AGBL4: variants seen among roughly 807,000 people sequenced by gnomAD.
AGBL4 encodes the protein cytosolic carboxypeptidase 6.
AGBL4 carries 58 observed loss-of-function variants against 66.4 expected under a neutral mutation model. The ratio of observed to expected loss-of-function variants is 0.87; its 90% confidence interval spans 0.71 to 1.09. AGBL4 has a LOEUF of 1.09. Among genes scored for constraint, AGBL4 ranks in the 50% least tolerant of loss-of-function variants. The pLI, the probability that AGBL4 is intolerant of heterozygous loss-of-function variation, is 0.00. For synonymous variants in AGBL4, 234 were observed against 222.9 expected, an observed-to-expected ratio of 1.05 and a Z score of -0.44; for missense variants, 579 against 631.0, an observed-to-expected ratio of 0.92 and a Z score of 0.88.
At chr1:49,125,061 G>A (rs1238653989) in intron 4 of AGBL4, among the ~76,000 whole-genome samples, 1 of 152,036 alleles carries the variant, frequency 6.6e-6, no homozygotes, top group Non-Finnish European at 1.5e-5. Context: ...GAATGTGTAA[G>A]ATACTTTTAA....
At chr1:48,671,341 C>A (rs1278728770) in intron 6 of AGBL4, among the ~76,000 whole-genome samples, 2 of 152,256 alleles carry the variant, frequency 1.3e-5, no homozygotes, top group Admixed American at 6.5e-5. Flanking sequence ...TTGGGCTGGT[C>A]TCTGAGAAGT....
chr1:49,171,849 G>A (rs912763716), intron 4 of AGBL4, among the ~76,000 whole-genome samples: 17 of 152,146 alleles, frequency 1.1e-4, no homozygotes, highest in Non-Finnish European at 2.1e-4. Flanking sequence ...AGAGAAATTT[G>A]TTGATATACC....
intron 1 of AGBL4, among the ~76,000 whole-genome samples, chr1:49,912,927 T>C (rs1651000303): frequency 6.6e-6 from 1 of 152,212 alleles, no homozygotes; most frequent in African/African-American, 2.4e-5. Flanking sequence ...AAATGATTCA[T>C]GAGGACAGAA....
At chr1:48,551,581 A>G (rs938570077) in intron 11 of AGBL4, among the ~76,000 whole-genome samples, 3 of 152,142 alleles carry the variant, frequency 2.0e-5, no homozygotes, top group African/African-American at 7.2e-5. Flanking sequence ...AAAACAAATC[A>G]AGATGAGAGA....
At chr1:49,379,201 G>A (rs1644538123) in intron 3 of AGBL4, among the ~76,000 whole-genome samples, 1 of 152,094 alleles carries the variant, frequency 6.6e-6, no homozygotes, top group Non-Finnish European at 1.5e-5. Flanking sequence ...CCACTGCCTT[G>A]ATGATGTCAT....
chr1:49,598,246 C>T (rs573578224), intron 3 of AGBL4, among the ~76,000 whole-genome samples: 4 of 152,304 alleles, frequency 2.6e-5, no homozygotes, highest in African/African-American at 4.8e-5. Flanking sequence ...AGCTTCGTTC[C>T]GTTGCTGGTG....
chr1:49,417,870 C>A (rs1018574477), intron 3 of AGBL4, among the ~76,000 whole-genome samples: 3 of 152,158 alleles, frequency 2.0e-5, no homozygotes, highest in Non-Finnish European at 4.4e-5. Context: ...GGTTTTATTG[C>A]AGCTTTAGAA....
chr1:49,849,508 CAT>C (rs1381012164), intron 2 of AGBL4, among the ~76,000 whole-genome samples: 2 of 147,786 alleles, frequency 1.4e-5, no homozygotes, highest in East Asian at 4.0e-4. Flanking sequence ...CACACACACA[CAT>C]ACATACATTA....
chr1:49,484,483 T>A (rs1400342621), intron 3 of AGBL4, among the ~76,000 whole-genome samples: 1 of 151,942 alleles, frequency 6.6e-6, no homozygotes, highest in East Asian at 1.9e-4. Context: ...TTATGTTAAG[T>A]GAAATTAGCC....
intron 5 of AGBL4, among the ~76,000 whole-genome samples, chr1:48,979,134 A>G (rs963130666): frequency 1.3e-5 from 2 of 152,164 alleles, no homozygotes; most frequent in Admixed American, 6.6e-5. Context: ...CAAATGTTAT[A>G]TTCCAATTGG....
At chr1:49,391,573 T>G (rs1644848548) in intron 3 of AGBL4, among the ~76,000 whole-genome samples, 1 of 149,924 alleles carries the variant, frequency 6.7e-6, no homozygotes, top group Non-Finnish European at 1.5e-5. Context: ...GTTTTTTTTT[T>G]TTTTTGGAGA....
At chr1:48,547,740 C>T (rs1644186939) in intron 11 of AGBL4, among the ~76,000 whole-genome samples, 1 of 152,110 alleles carries the variant, frequency 6.6e-6, no homozygotes, top group Admixed American at 6.5e-5. Flanking sequence ...GTCCCAAGGG[C>T]TTTAGGGGAA....
chr1:49,830,013 T>A (rs1264732781), intron 2 of AGBL4, among the ~76,000 whole-genome samples: 3 of 152,216 alleles, frequency 2.0e-5, no homozygotes, highest in Non-Finnish European at 2.9e-5. Flanking sequence ...ATCCAGCCTA[T>A]CATTAGTGGG....
At chr1:49,274,711 T>C (rs1020562403) in intron 3 of AGBL4, among the ~76,000 whole-genome samples, 7 of 152,100 alleles carry the variant, frequency 4.6e-5, no homozygotes, top group Non-Finnish European at 7.4e-5. Context: ...ACTTTAGAAA[T>C]CATACTATTG....
At chr1:49,655,010 C>T (rs1165766856) in intron 3 of AGBL4, among the ~76,000 whole-genome samples, 1 of 152,138 alleles carries the variant, frequency 6.6e-6, no homozygotes, top group Admixed American at 6.6e-5. Context: ...GCAATTTCTT[C>T]CTAGCATCAA....
chr1:48,831,304 A>C (rs567355578), intron 6 of AGBL4, among the ~76,000 whole-genome samples: 2 of 152,266 alleles, frequency 1.3e-5, no homozygotes, highest in South Asian at 4.1e-4. Flanking sequence ...GCTATGATCC[A>C]GGCGCTCCTC....
chr1:49,956,517 C>T (rs1014650400), intron 1 of AGBL4, among the ~76,000 whole-genome samples: 1 of 151,822 alleles, frequency 6.6e-6, no homozygotes, highest in African/African-American at 2.4e-5. Context: ...ATTATAATGA[C>T]TTACCCTTAA....
In AGBL4 at chr1:49,951,727, T is replaced by C. The variant is rs553366454; in HGVS notation, c.34+72036A>G. On this transcript the variant is annotated intron_variant, in intron 1 of 13. Coordinates refer to ENST00000371839, the MANE Select transcript of AGBL4 (RefSeq NM_032785.4). ...AGAGACTCTTCCTTTGTTATTTAGGTTTGGCAATGTATCAATTCGTTTTAT... is the reference window on the plus strand; with the variant it reads ...AGAGACTCTTCCTTTGTTATTTAGGCTTGGCAATGTATCAATTCGTTTTAT... 1.5e-4 allele frequency among the ~76,000 whole-genome samples: 23 copies of C among 152,058 alleles called. No individual in the cohort carries two copies. In the South Asian group the frequency reaches 2.7e-3, roughly 18 times the overall value.
chr1:49,219,473 C>A (rs1212607542), intron 4 of AGBL4, among the ~76,000 whole-genome samples: 1 of 151,832 alleles, frequency 6.6e-6, no homozygotes, highest in Non-Finnish European at 1.5e-5. Flanking sequence ...TGAAAGCAGC[C>A]GAAAAGTGAC....
Sources: allele counts gnomAD v4.1 joint callset (sites outside exome capture counted in the v4.1 genomes callset), GRCh38; gene constraint gnomAD v4.1.1; transcripts MANE v1.5; gene names NCBI Gene and HGNC (gene_info 2026-07-23, HGNC 2026-07-21).